HIF1AN: variants seen among roughly 807,000 people sequenced by gnomAD.
HIF1AN encodes the protein hypoxia-inducible factor 1-alpha inhibitor.
HIF1AN carries 21 observed loss-of-function variants against 47.7 expected under a neutral mutation model. That is an observed-to-expected ratio of 0.44 (90% CI 0.31 to 0.63). HIF1AN has a LOEUF of 0.63. HIF1AN is among the 30% of genes least tolerant of loss of function. HIF1AN has a pLI of 0.07. For synonymous variants in HIF1AN, 152 were observed against 155.9 expected, an observed-to-expected ratio of 0.98 and a Z score of 0.18; for missense variants, 320 against 432.7, an observed-to-expected ratio of 0.74 and a Z score of 2.31.
chr10:100,554,921 T>A lies in HIF1AN; in HGVS notation c.*6784T>A, dbSNP rs565058525. 4 of 152,350 alleles carry A rather than the reference T, an allele frequency of 2.6e-5. No homozygotes were observed. Among genetic ancestry groups the A allele is most frequent in the African/African-American group, 7.2e-5 (3 of 41,578 alleles). The allele number at this position is 152,350 out of a possible 1,614,324, so 9.4% of individuals were successfully genotyped here. ...ATAGCTACCATTTGTTGAACACTTC[T>A]GTTCCAGGCACTGTATTAGTTCGTC... On this transcript the variant is annotated 3_prime_UTR_variant, in exon 8 of 8. Transcript: ENST00000299163.
chr10:100,536,485 T>C lies in HIF1AN; in HGVS notation c.252T>C (p.Asn84=). 6.2e-7 allele frequency: 1 copy of C among 1,614,148 alleles called. No individual in the cohort carries two copies. The change falls in exon 2 of 8, where the codon AAT becomes AAC. Residue 84 remains asparagine (N), a synonymous_variant. Transcript: ENST00000299163. The part of the protein sequence containing the change: ...LKWDLEYLQE[N]IGNGDFSVYS... ...GGGACCTTGAATACCTGCAAGAGAA[T>C]ATTGGCAATGGAGACTTCTCTGTGT...
Position 100,554,570 on chromosome 10 carries a change from C to G in HIF1AN, c.*6433C>G, listed in dbSNP as rs553655636. On this transcript the variant is annotated 3_prime_UTR_variant, in exon 8 of 8. Coordinates refer to ENST00000299163, the MANE Select transcript of HIF1AN (RefSeq NM_017902.3). ...CCTGTAATCCCAGCACTTTGGGAGG[C>G]TGAGGTGGGTGGATCACCTGAGGTC... The G allele has an allele frequency of 1.3e-5, 2 of 152,208 alleles. No individual in the cohort carries two copies. Among genetic ancestry groups the G allele is most frequent in the East Asian group, 1.9e-4 (1 of 5,176 alleles). 9.4% of individuals were successfully genotyped at this position (152,208 alleles called of 1,614,324 possible). A position where few individuals can be genotyped will look rare whatever the true frequency, so the allele number is the denominator to read the frequency against.
chr10:100,543,967 T>C (rs1843070857), intron 3 of HIF1AN, among the ~76,000 whole-genome samples: 1 of 152,204 alleles, frequency 6.6e-6, no homozygotes, highest in Non-Finnish European at 1.5e-5. Context: ...GCAAGTCTGC[T>C]TTGAGGATGC....
rs1843205037 is a variant in HIF1AN at position 100,555,206 on chromosome 10, G to C, written c.*7069G>C. ...AAGGGTTTTGTCGTACCTTACTCCA[G>C]GGAATGGGTGAGACAGTAGATCCCA... On this transcript the variant is annotated 3_prime_UTR_variant, in exon 8 of 8. Transcript: ENST00000299163. 1.3e-5 allele frequency: 2 copies of C among 152,228 alleles called. No homozygotes were observed. Among genetic ancestry groups the C allele is most frequent in the Non-Finnish European group, 2.9e-5 (2 of 68,040 alleles). The allele number at this position is 152,228 out of a possible 1,614,324, so 9.4% of individuals were successfully genotyped here.
rs1047863130 is a variant in HIF1AN, at chr10:100,552,573, G to A, written c.*4436G>A. 1.3e-5 allele frequency: 2 copies of A among 152,400 alleles called. No individual in the cohort carries two copies. The highest frequency in any genetic ancestry group is 4.8e-5 in the African/African-American group (2 of 41,450). 9.4% of individuals were successfully genotyped at this position (152,400 alleles called of 1,614,324 possible). ...CTCAAACTGTTGGCTCTAAAGGGATGTTCCAGCCTCCCTCTCCAGAGCTGC... is the reference window on the plus strand; with the variant it reads ...CTCAAACTGTTGGCTCTAAAGGGATATTCCAGCCTCCCTCTCCAGAGCTGC... On this transcript the variant is annotated 3_prime_UTR_variant, in exon 8 of 8. Coordinates refer to ENST00000299163, the MANE Select transcript of HIF1AN (RefSeq NM_017902.3).
chr10:100,544,264 G>A (rs1315959251), intron 3 of HIF1AN, among the ~76,000 whole-genome samples: 2 of 152,202 alleles, frequency 1.3e-5, no homozygotes, highest in Non-Finnish European at 2.9e-5. Flanking sequence ...GCACCAGTGA[G>A]CCCCAATGTT....
In HIF1AN at chr10:100,536,136, G is replaced by A; in HGVS notation, c.177+1G>A. On this transcript the variant is annotated splice_donor_variant, in intron 1 of 7. Transcript: ENST00000299163. LOFTEE classifies it high-confidence loss of function. ...GGCAGAGGAGCTTATTGAGAATGAG[G>A]TGGGGGGCGGGGCCGCGTCTAAAGG... is the stretch of plus-strand genomic sequence containing the variant. 6.3e-7 allele frequency: 1 copy of A among 1,590,360 alleles called. No homozygotes were observed. The highest frequency in any genetic ancestry group is 8.6e-7 in the Non-Finnish European group (1 of 1,167,668).
rs1468144330 is a variant in HIF1AN at position 100,547,264 on chromosome 10, C to T, written c.1005+14C>T. The T allele has an allele frequency of 6.4e-7, 1 of 1,567,170 alleles. No individual in the cohort carries two copies. The highest frequency in any genetic ancestry group is 1.1e-5 in the South Asian group (1 of 89,452). On this transcript the variant is annotated intron_variant, in intron 7 of 7. Coordinates refer to ENST00000299163, the MANE Select transcript of HIF1AN (RefSeq NM_017902.3). ...AACCCACAAGAGGTAGGTGACTGCC[C>T]CAAGGTGGCTCAGTGGGTGGGTTGA... is the stretch of plus-strand genomic sequence containing the variant.
At chr10:100,548,005 T>A in intron 7 of HIF1AN, 88 bp from the exon 8 acceptor site, 1 of 1,195,062 alleles carries the variant, frequency 8.4e-7, no homozygotes, top group Non-Finnish European at 1.2e-6. Flanking sequence ...TGTCCTTGGC[T>A]GGACATCTGA....
chr10:100,548,215 C>T lies in HIF1AN; in HGVS notation c.*78C>T. Reference sequence around the variant, plus strand: ...CTTCATTGATGAGGACAGGAGACTCCAAGCGCTAGTATTGCACGCTGCACT... The same window carrying T: ...CTTCATTGATGAGGACAGGAGACTCTAAGCGCTAGTATTGCACGCTGCACT... On this transcript the variant is annotated 3_prime_UTR_variant, in exon 8 of 8. Transcript: ENST00000299163. 1.6e-6 allele frequency: 2 copies of T among 1,274,904 alleles called. No individual in the cohort carries two copies. The highest frequency in any genetic ancestry group is 2.2e-6 in the Non-Finnish European group (2 of 915,346). 79.0% of individuals were successfully genotyped at this position (1,274,904 alleles called of 1,614,324 possible).
chr10:100,558,802 T>A lies in HIF1AN; in HGVS notation c.*10665T>A, dbSNP rs991111613. The A allele has an allele frequency of 2.0e-5, 3 of 152,232 alleles. No individual in the cohort carries two copies. Among genetic ancestry groups the A allele is most frequent in the African/African-American group, 7.2e-5 (3 of 41,460 alleles). The allele number at this position is 152,232 out of a possible 1,614,324, so 9.4% of individuals were successfully genotyped here. A position where few individuals can be genotyped will look rare whatever the true frequency, so the allele number is the denominator to read the frequency against. On this transcript the variant is annotated 3_prime_UTR_variant, in exon 8 of 8. Transcript: ENST00000299163. The stretch of plus-strand genomic sequence containing the variant: ...AAGATAACCTCCAAAATACATGCAG[T>A]GGCATCAGGTGTTTCCTTGGTAGGT...
In HIF1AN at chr10:100,549,129, C is replaced by G. The variant is rs1053042344; in HGVS notation, c.*992C>G. On this transcript the variant is annotated 3_prime_UTR_variant, in exon 8 of 8. Coordinates refer to ENST00000299163, the MANE Select transcript of HIF1AN (RefSeq NM_017902.3). ...CCACACTGGCCAGCCTCCCTACTTA[C>G]CAAGGTTCTCCACTGCTTACCTTTT... is the stretch of plus-strand genomic sequence containing the variant. 2.0e-5 allele frequency: 3 copies of G among 152,506 alleles called. No homozygotes were observed. The highest frequency in any genetic ancestry group is 4.4e-5 in the Non-Finnish European group (3 of 68,478). The allele number at this position is 152,506 out of a possible 1,614,324, so 9.4% of individuals were successfully genotyped here.
At position 100,549,397 on chromosome 10, in the gene HIF1AN, A is replaced by G. The variant is rs1052167399; in HGVS notation, c.*1260A>G. The G allele has an allele frequency of 1.3e-5, 2 of 152,234 alleles. No individual in the cohort carries two copies. Among genetic ancestry groups the G allele is most frequent in the African/African-American group, 4.8e-5 (2 of 41,426 alleles). 9.4% of individuals were successfully genotyped at this position (152,234 alleles called of 1,614,324 possible). On this transcript the variant is annotated 3_prime_UTR_variant, in exon 8 of 8. Coordinates refer to ENST00000299163, the MANE Select transcript of HIF1AN (RefSeq NM_017902.3). ...CCAGGCAGCTCATTCACTACCTGTG[A>G]TCCACCTCAGGGCACGGGCAAACAC...
intron 3 of HIF1AN, among the ~76,000 whole-genome samples, chr10:100,544,211 C>G (rs1843073162): frequency 6.6e-6 from 1 of 152,240 alleles, no homozygotes; most frequent in Middle Eastern, 3.2e-3. Flanking sequence ...ACACAGCACT[C>G]TCTTCAGTCA....
chr10:100,555,847 G>A lies in HIF1AN; in HGVS notation c.*7710G>A, dbSNP rs1355476842. On this transcript the variant is annotated 3_prime_UTR_variant, in exon 8 of 8. Transcript: ENST00000299163. ...AACCCATCATCTAAGCTAAGCTTGG[G>A]CCAGGTTTTTATTACCTCTTGAATA... The A allele has an allele frequency of 1.3e-5, 2 of 152,218 alleles. No homozygotes were observed. The highest frequency in any genetic ancestry group is 2.9e-5 in the Non-Finnish European group (2 of 68,050). The allele number at this position is 152,218 out of a possible 1,614,324, so 9.4% of individuals were successfully genotyped here. A position where few individuals can be genotyped will look rare whatever the true frequency, so the allele number is the denominator to read the frequency against.
intron 4 of HIF1AN, 54 bp downstream of exon 4, chr10:100,545,150 A>G (rs1471675427): frequency 1.3e-6 from 2 of 1,571,054 alleles, no homozygotes; most frequent in Non-Finnish European, 1.7e-6. Flanking sequence ...AGTAATGCCT[A>G]GGCTGGAATG....
At position 100,552,009 on chromosome 10, in the gene HIF1AN, G is replaced by A. The variant is rs1207278156; in HGVS notation, c.*3872G>A. 1 of 152,196 alleles carries A rather than the reference G, an allele frequency of 6.6e-6. No homozygotes were observed. Among genetic ancestry groups the A allele is most frequent in the Non-Finnish European group, 1.5e-5 (1 of 68,094 alleles). The allele number at this position is 152,196 out of a possible 1,614,324, so 9.4% of individuals were successfully genotyped here. A position where few individuals can be genotyped will look rare whatever the true frequency, so the allele number is the denominator to read the frequency against. On this transcript the variant is annotated 3_prime_UTR_variant, in exon 8 of 8. Coordinates refer to ENST00000299163, the MANE Select transcript of HIF1AN (RefSeq NM_017902.3). ...CACAACCCCACATCAGTGCAGCTGTGGCTGTGTGGAGGGGCTCTGAGGCCT... is the reference window on the plus strand; with the variant it reads ...CACAACCCCACATCAGTGCAGCTGTAGCTGTGTGGAGGGGCTCTGAGGCCT...
intron 2 of HIF1AN, among the ~76,000 whole-genome samples, chr10:100,538,417 C>T (rs948052341): frequency 6.6e-6 from 1 of 152,134 alleles, no homozygotes; most frequent in African/African-American, 2.4e-5. Context: ...GTATCACTGA[C>T]TCTTTCAAAG....
At chr10:100,543,124 T>G (rs1463890846) in intron 3 of HIF1AN, among the ~76,000 whole-genome samples, 3 of 152,212 alleles carry the variant, frequency 2.0e-5, no homozygotes, top group Non-Finnish European at 4.4e-5. Flanking sequence ...CCTTTGCTGC[T>G]GGTACTAATA....
Sources: gnomAD v4.1 joint callset for allele counts (sites outside exome capture counted in the v4.1 genomes callset) on GRCh38, gnomAD v4.1.1 for gene constraint, MANE v1.5 for transcripts, NCBI Gene and HGNC (gene_info 2026-07-23, HGNC 2026-07-21) for gene names.